The following CDH10 variants were observed in gnomAD, a reference collection of about 807,000 sequenced individuals.
CDH10 encodes the protein cadherin 10.
CDH10 carries 30 observed loss-of-function variants against 73.1 expected under a neutral mutation model. The observed-to-expected ratio is 0.41, with a 90% CI of 0.31 to 0.56. The LOEUF is 0.56. Among genes scored for constraint, CDH10 ranks in the 20% least tolerant of loss-of-function variants. The pLI, the probability that CDH10 is intolerant of heterozygous loss-of-function variation, is 0.27. For missense variants in CDH10, 815 were observed against 973.7 expected, an observed-to-expected ratio of 0.84 and a Z score of 2.17; for synonymous variants, 345 against 348.2, an observed-to-expected ratio of 0.99 and a Z score of 0.10.
At chr5:24,626,709 G>C (rs1747511803) in intron 1 of CDH10, among the ~76,000 whole-genome samples, 1 of 151,756 alleles carries the variant, frequency 6.6e-6, no homozygotes, top group Non-Finnish European at 1.5e-5. Flanking sequence ...GGGAAGCAGA[G>C]GGTGCAGTGA....
intron 6 of CDH10, among the ~76,000 whole-genome samples, chr5:24,510,832 G>A (rs1247480340): frequency 6.6e-6 from 1 of 152,176 alleles, no homozygotes; most frequent in East Asian, 1.9e-4. Flanking sequence ...CTGAGCATAT[G>A]TTAGCAGAAG....
chr5:24,609,191 C>G (rs1746861008), intron 1 of CDH10, among the ~76,000 whole-genome samples: 1 of 152,180 alleles, frequency 6.6e-6, no homozygotes, highest in Admixed American at 6.5e-5. Flanking sequence ...ATTACGGATT[C>G]TGAAGAATGG....
rs373181926 is a variant in CDH10 at position 24,487,673 on chromosome 5, T to C, written c.2357A>G (p.Lys786Arg). 3.1e-6 allele frequency: 5 copies of C among 1,611,374 alleles called. No homozygotes were observed. The highest frequency in any genetic ancestry group is 4.2e-6 in the Non-Finnish European group (5 of 1,178,428). ...AACATATATCCTACGTTAAGAGTCT[T>C]TGTCACTTTCCCCACCACCATACAT... ...AEMYGGGESD[K>R]DS The change falls in exon 12 of 12, where the codon AAA (lysine) becomes AGA (arginine). Residue 786 changes from lysine to arginine, a missense_variant. This residue lies in a region of CDH10 where 241 missense variants were observed against 240.3 expected (regional missense o/e 1.00). Transcript: ENST00000264463.
At chr5:24,537,880 T>C (rs1439862340) in intron 2 of CDH10, among the ~76,000 whole-genome samples, 2 of 152,076 alleles carry the variant, frequency 1.3e-5, no homozygotes, top group Non-Finnish European at 2.9e-5. Context: ...GGATACTTTT[T>C]ATTCTAAATG....
rs539090950 is a variant in CDH10 at position 24,487,692 on chromosome 5, C to A, written c.2338G>T (p.Gly780Cys). ...GAGTCTTTGTCACTTTCCCCACCACCATACATTTCTGCTAGCTTATTAAAC... is the reference window on the plus strand; with the variant it reads ...GAGTCTTTGTCACTTTCCCCACCACAATACATTTCTGCTAGCTTATTAAAC... ...PRFNKLAEMY[G>C]GGESDKDS The change falls in exon 12 of 12, where the codon GGT (glycine) becomes TGT (cysteine). Residue 780 changes from glycine (G) to cysteine (C), a missense_variant. Around this residue, in one of 3 missense-constraint regions of CDH10, gnomAD observed 241 missense variants for 240.3 expected, o/e 1.00. Transcript: ENST00000264463. The A allele has an allele frequency of 3.1e-6, 5 of 1,612,874 alleles. No homozygotes were observed. The highest frequency in any genetic ancestry group is 4.2e-6 in the Non-Finnish European group (5 of 1,179,416).
At chr5:24,529,838 CAAT>C (rs774243169) in intron 5 of CDH10, among the ~76,000 whole-genome samples, 2 of 151,672 alleles carry the variant, frequency 1.3e-5, no homozygotes, top group Non-Finnish European at 2.9e-5. Context: ...AAATTGTGTG[CAAT>C]AATGTCTGTG....
chr5:24,548,690 A>G (rs185248737), intron 2 of CDH10, among the ~76,000 whole-genome samples: 129 of 152,238 alleles, frequency 8.5e-4, no homozygotes, highest in African/African-American at 3.0e-3. Flanking sequence ...CTTAACATAT[A>G]AAATTAATAA....
At chr5:24,573,438 A>G (rs901225609) in intron 2 of CDH10, among the ~76,000 whole-genome samples, 4 of 152,086 alleles carry the variant, frequency 2.6e-5, no homozygotes, top group African/African-American at 9.7e-5. Flanking sequence ...GCGGTGGCTC[A>G]CGTCTGTAAT....
rs1001227038 is a variant in CDH10, at chr5:24,586,843, C to CTTTTTTTTTTTTTTTTTTTTTT, written c.231+6416_231+6417insAAAAAAAAAAAAAAAAAAAAAA. Among the ~76,000 whole-genome samples the CTTTTTTTTTTTTTTTTTTTTTT allele has an allele frequency of 2.0e-4, 21 of 102,754 alleles. 3 individuals carry two copies. The highest frequency in any genetic ancestry group is 8.0e-4 in the African/African-American group (19 of 23,780). The allele number at this position is 102,754 out of a possible 152,430, so 67.4% of individuals were successfully genotyped here. On this transcript the variant is annotated intron_variant, in intron 2 of 11. Transcript: ENST00000264463. Reference sequence around the variant, plus strand: ...GTAAAACAATAAGATAGCCCATATTCTTTTTTTTTTTTTTTTTTTGAGCCG... The same window carrying CTTTTTTTTTTTTTTTTTTTTTT: ...GTAAAACAATAAGATAGCCCATATTCTTTTTTTTTTTTTTTTTTTTTTTTTTTTTTTTTTTTTTTTTGAGCCG...
chr5:24,488,794 C>A (rs1031399169), intron 11 of CDH10, among the ~76,000 whole-genome samples: 9 of 133,104 alleles, frequency 6.8e-5, no homozygotes, highest in African/African-American at 8.7e-5. Flanking sequence ...GCATGAGACC[C>A]CCCCCCCAAA....
chr5:24,635,116 G>A (rs1320036840), intron 1 of CDH10, among the ~76,000 whole-genome samples: 3 of 151,820 alleles, frequency 2.0e-5, no homozygotes, highest in African/African-American at 4.8e-5. Context: ...ACATTTTGCA[G>A]CAGGTTCTAT....
chr5:24,542,555 C>G (rs1374238133), intron 2 of CDH10, among the ~76,000 whole-genome samples: 2 of 152,028 alleles, frequency 1.3e-5, no homozygotes, highest in African/African-American at 4.8e-5. Flanking sequence ...GTTATACCAT[C>G]TAAGATTGTG....
chr5:24,537,718 G>T, intron 2 of CDH10, 44 bp from the exon 3 acceptor site: 2 of 1,257,590 alleles, frequency 1.6e-6, no homozygotes, highest in Non-Finnish European at 2.2e-6. Context: ...ATGTATAAAG[G>T]TGCAGGATGC....
chr5:24,526,570 G>T (rs573226806), intron 5 of CDH10, among the ~76,000 whole-genome samples: 2 of 151,336 alleles, frequency 1.3e-5, no homozygotes, highest in Admixed American at 1.3e-4. Context: ...AAACACTTCC[G>T]GTAGAAAGCT....
chr5:24,592,580 TCTC>T (rs1366124969), intron 2 of CDH10, among the ~76,000 whole-genome samples: 1 of 151,834 alleles, frequency 6.6e-6, no homozygotes, highest in East Asian at 1.9e-4. Context: ...ATGTTAAGCT[TCTC>T]ATTTCATTTC....
At chr5:24,541,646 T>C (rs887397001) in intron 2 of CDH10, among the ~76,000 whole-genome samples, 1 of 152,148 alleles carries the variant, frequency 6.6e-6, no homozygotes, top group Admixed American at 6.6e-5. Context: ...ATGTGAGACA[T>C]TAAGTTTTCT....
At chr5:24,509,996 C>G (rs6859516) in intron 6 of CDH10, among the ~76,000 whole-genome samples, 177 bp from the exon 7 acceptor site, 15 of 152,224 alleles carry the variant, frequency 9.9e-5, no homozygotes, top group African/African-American at 3.6e-4. Flanking sequence ...GATTCAACTT[C>G]TACTCTTTAT....
intron 5 of CDH10, among the ~76,000 whole-genome samples, chr5:24,516,348 C>A (rs184775592): frequency 6.6e-5 from 10 of 152,128 alleles, no homozygotes; most frequent in African/African-American, 2.4e-4. Context: ...TAATACATAT[C>A]TTGGTGAAGA....
intron 1 of CDH10, among the ~76,000 whole-genome samples, chr5:24,600,545 G>T (rs1034035894): frequency 6.6e-6 from 1 of 152,046 alleles, no homozygotes; most frequent in South Asian, 2.1e-4. Flanking sequence ...AAATCTTTTT[G>T]GAGGAAACCA....
Sources: gnomAD v4.1 joint callset for allele counts (sites outside exome capture counted in the v4.1 genomes callset) on GRCh38, gnomAD v4.1.1 for gene constraint, gnomAD v4.1.1 regional missense constraint, MANE v1.5 for transcripts, NCBI Gene and HGNC (gene_info 2026-07-23, HGNC 2026-07-21) for gene names.